Variants in CUL4A observed in about 807,000 individuals in gnomAD.
CUL4A encodes the protein cullin 4A, also known as cullin-4A.
CUL4A carries 16 observed loss-of-function variants against 95.5 expected under a neutral mutation model. That is an observed-to-expected ratio of 0.17 (90% CI 0.11 to 0.25). CUL4A has a LOEUF of 0.25. CUL4A is among the 10% of genes least tolerant of loss of function. The pLI is 1.00. For synonymous variants in CUL4A, 380 were observed against 353.1 expected (o/e 1.08, Z -0.85); for missense variants, 610 against 937.0 (o/e 0.65, Z 4.56).
chr13:113,236,191 A>G (rs530708130), intron 8 of CUL4A, among the ~76,000 whole-genome samples: 8 of 152,246 alleles, frequency 5.3e-5, no homozygotes, highest in Admixed American at 5.2e-4. Flanking sequence ...GCAGAAAAAG[A>G]GATTTGGTCA....
At position 113,238,814 on chromosome 13, in the gene CUL4A, G is replaced by C. The variant is rs530331320; in HGVS notation, c.917-619G>C. On this transcript the variant is annotated intron_variant, in intron 9 of 19. Transcript: ENST00000375440. ...CTGAGACTTTGTGAATTGTATGACT[G>C]TTCACCATTTTATGCTTTAACCTGG... Among the ~76,000 whole-genome samples the C allele has an allele frequency of 2.6e-5, 4 of 152,262 alleles. No homozygotes were observed. In the East Asian group the frequency reaches 7.7e-4, roughly 29 times the overall value.
chr13:113,218,145 G>A (rs1366118974), intron 2 of CUL4A, among the ~76,000 whole-genome samples: 1 of 152,178 alleles, frequency 6.6e-6, no homozygotes, highest in Non-Finnish European at 1.5e-5. Flanking sequence ...GGCTGAGGCA[G>A]GAGAATCGCT....
intron 10 of CUL4A, among the ~76,000 whole-genome samples, chr13:113,242,674 T>C (rs1037796691): frequency 6.6e-6 from 1 of 152,020 alleles, no homozygotes; most frequent in Non-Finnish European, 1.5e-5. Context: ...TAGCACCAGC[T>C]ACTCAGGAGG....
chr13:113,254,488 G>C (rs544940853), intron 16 of CUL4A, among the ~76,000 whole-genome samples: 1 of 152,162 alleles, frequency 6.6e-6, no homozygotes, highest in Admixed American at 6.5e-5. Context: ...CCAGCTACTC[G>C]GGAGGCTGAG....
chr13:113,209,579 TCGGCGGGCGGCGGCGCTCG>T (rs1439632217), upstream of CUL4A: 14 of 958,362 alleles, frequency 1.5e-5, no homozygotes, highest in Non-Finnish European at 1.6e-5. Context: ...GGAGCGGAGC[TCGGCGGGCGGCGGCGCTCG>T]GGGCGGGGCG....
chr13:113,252,358 A>G (rs1043242403), intron 15 of CUL4A, among the ~76,000 whole-genome samples: 7 of 152,122 alleles, frequency 4.6e-5, no homozygotes, highest in Non-Finnish European at 1.0e-4. Flanking sequence ...CAGCATGAGA[A>G]GACCCATCTC....
rs891312018 is a variant in CUL4A at position 113,218,039 on chromosome 13, C to G, written c.265-906C>G. Reference sequence around the variant, plus strand: ...ATCACCTGAGGTCAGGCGTTTGAGACCGGCCTGGCCAACATGGCGAAACCC... The same window carrying G: ...ATCACCTGAGGTCAGGCGTTTGAGAGCGGCCTGGCCAACATGGCGAAACCC... On this transcript the variant is annotated intron_variant, in intron 2 of 19. Transcript: ENST00000375440. Among the ~76,000 whole-genome samples the G allele has an allele frequency of 2.0e-5, 3 of 152,200 alleles. No homozygotes were observed. In the East Asian group the frequency reaches 5.8e-4, roughly 29 times the overall value.
chr13:113,219,107 CATT>C, intron 3 of CUL4A, 59 bp downstream of exon 3: 1 of 1,044,640 alleles, frequency 9.6e-7, no homozygotes, highest in Non-Finnish European at 1.4e-6. Flanking sequence ...TAAAACTGAA[CATT>C]ATTATGATAA....
intron 11 of CUL4A, among the ~76,000 whole-genome samples, chr13:113,243,893 G>C (rs1474001997): frequency 6.6e-6 from 1 of 152,174 alleles, no homozygotes; most frequent in Non-Finnish European, 1.5e-5. Flanking sequence ...GAAGTCTTGG[G>C]TTCTCCCATC....
chr13:113,209,938 C>G, intron 1 of CUL4A, 35 bp from the exon 2 acceptor site: 1 of 1,440,416 alleles, frequency 6.9e-7, no homozygotes, highest in African/African-American at 1.5e-5. Context: ...CTTCGCGGCG[C>G]GCCCTGAGCC....
chr13:113,227,129 G>A (rs891891326), intron 3 of CUL4A, among the ~76,000 whole-genome samples: 18 of 152,310 alleles, frequency 1.2e-4, no homozygotes, highest in African/African-American at 4.1e-4. Context: ...AGCAGCACAG[G>A]CAAGCTGAGT....
intron 11 of CUL4A, 75 bp downstream of exon 11, chr13:113,243,235 T>C (rs1319666217): frequency 3.5e-6 from 5 of 1,437,168 alleles, no homozygotes; most frequent in Non-Finnish European, 4.7e-6. Flanking sequence ...TTTTTTAATA[T>C]GGGAAAATAA....
At chr13:113,244,362 G>C in intron 11 of CUL4A, 48 bp from the exon 12 acceptor site, 1 of 1,328,518 alleles carries the variant, frequency 7.5e-7, no homozygotes, top group Non-Finnish European at 1.1e-6. Flanking sequence ...AATTGAAGAT[G>C]CTCTCTTTTT....
chr13:113,223,188 C>T (rs530204722), intron 3 of CUL4A, among the ~76,000 whole-genome samples: 4 of 152,236 alleles, frequency 2.6e-5, no homozygotes, highest in African/African-American at 7.2e-5. Flanking sequence ...ATGAATGGCA[C>T]GGGTCCTGCT....
chr13:113,233,243 T>C lies in CUL4A; in HGVS notation c.579T>C (p.Ile193=), dbSNP rs2041421027. ...ISDKMVQSKT[I]DGILLLIERE... Reference sequence around the variant, plus strand: ...ATAAAATGGTTCAGAGTAAAACCATTGATGGAATCCTACTGCTGATCGAGC... The same window carrying C: ...ATAAAATGGTTCAGAGTAAAACCATCGATGGAATCCTACTGCTGATCGAGC... The change falls in exon 6 of 20, where the codon ATT becomes ATC. Residue 193 remains isoleucine, a synonymous_variant. Transcript: ENST00000375440. 2 of 1,614,020 alleles carry C rather than the reference T, an allele frequency of 1.2e-6. No individual in the cohort carries two copies. Among genetic ancestry groups the C allele is most frequent in the Admixed American group, 1.7e-5 (1 of 60,012 alleles).
upstream of CUL4A, chr13:113,208,656 G>T: frequency 6.2e-7 from 1 of 1,603,396 alleles, no homozygotes; most frequent in East Asian, 2.3e-5. Flanking sequence ...CGAACGGAGA[G>T]CGCCACCCCC....
At chr13:113,224,344 CTCCA>C (rs2139139712) in intron 3 of CUL4A, among the ~76,000 whole-genome samples, 1 of 150,826 alleles carries the variant, frequency 6.6e-6, no homozygotes, top group Admixed American at 6.6e-5. Context: ...CAGAGCGAGA[CTCCA>C]TCTCAAAAAA....
chr13:113,213,457 T>C (rs753314922), intron 2 of CUL4A, among the ~76,000 whole-genome samples: 6 of 140,448 alleles, frequency 4.3e-5, no homozygotes, highest in Non-Finnish European at 7.7e-5. Context: ...AGAAAGTTAA[T>C]ACAGTTCTTG....
At chr13:113,213,874 C>A (rs1441186863) in intron 2 of CUL4A, among the ~76,000 whole-genome samples, 3 of 152,362 alleles carry the variant, frequency 2.0e-5, no homozygotes, top group East Asian at 1.9e-4. Context: ...GATCATCTCT[C>A]CACGCACAGG....
Sources: allele counts gnomAD v4.1 joint callset (sites outside exome capture counted in the v4.1 genomes callset), GRCh38; gene constraint gnomAD v4.1.1; transcripts MANE v1.5; gene names NCBI Gene and HGNC (gene_info 2026-07-23, HGNC 2026-07-21).